The following COL5A3 variants were observed in gnomAD, a reference collection of about 807,000 sequenced individuals.
The protein encoded by COL5A3 is collagen type V alpha 3 chain.
In COL5A3, 172 loss-of-function variants were observed where a neutral mutation model predicts 250.0. That is an observed-to-expected ratio of 0.69 (90% CI 0.61 to 0.78). The LOEUF (loss-of-function observed/expected upper bound fraction) is 0.78, where lower values mean the gene tolerates loss of function less well. Among genes scored for constraint, COL5A3 ranks in the 30% least tolerant of loss-of-function variants. COL5A3 has a pLI of 0.00. For missense variants in COL5A3, 2,340 were observed against 2,334.4 expected (o/e 1.00, Z -0.05); for synonymous variants, 937 against 900.4 (o/e 1.04, Z -0.73).
intron 51 of COL5A3, among the ~76,000 whole-genome samples, chr19:9,972,175 T>C (rs1204616056): frequency 6.6e-6 from 1 of 152,270 alleles, no homozygotes; most frequent in African/African-American, 2.4e-5. Flanking sequence ...ATTAATTTAC[T>C]CATTCATCCA....
intron 16 of COL5A3, among the ~76,000 whole-genome samples, chr19:9,994,136 C>T (rs1411285070): frequency 6.6e-6 from 1 of 151,858 alleles, no homozygotes; most frequent in African/African-American, 2.4e-5. Flanking sequence ...GCTGGGATTA[C>T]AGGCATGAGC....
At chr19:10,001,994 G>A (rs773896620) in intron 6 of COL5A3, 113 bp from the exon 7 acceptor site, 6 of 726,794 alleles carry the variant, frequency 8.3e-6, no homozygotes, top group Non-Finnish European at 1.4e-5. Context: ...GGACAGAGGA[G>A]GCTCCCCAAA....
intron 55 of COL5A3, 76 bp downstream of exon 55, chr19:9,969,793 G>GGT (rs562367329): frequency 6.3e-7 from 1 of 1,586,518 alleles, no homozygotes; most frequent in South Asian, 1.1e-5. Context: ...AGTGGTCATA[G>GGT]GTCCACCCTC....
chr19:9,997,064 G>T, intron 11 of COL5A3: 2 of 540,606 alleles, frequency 3.7e-6, no homozygotes, highest in African/African-American at 1.9e-5. Context: ...GGAGGGAGAG[G>T]GACAGAGACC....
Position 10,001,586 on chromosome 19 carries a change from T to C in COL5A3, c.1048A>G (p.Thr350Ala). The C allele has an allele frequency of 1.2e-6, 2 of 1,614,140 alleles. No individual in the cohort carries two copies. The highest frequency in any genetic ancestry group is 1.1e-5 in the South Asian group (1 of 91,074). The change falls in exon 8 of 67, where the codon ACC becomes GCC. Residue 350 changes from threonine (T) to alanine (A), a missense_variant. Transcript: ENST00000264828. ...GCTGCCCGGAAGTCAGGGCCCATGG[T>C]GGAATCATCTCCTTCTTCATCCTCC... The part of the protein sequence containing the change: ...AREDEEGDDS[T>A]MGPDFRAAEY...
chr19:9,982,855 T>C (rs2087029790), intron 31 of COL5A3, among the ~76,000 whole-genome samples: 1 of 152,142 alleles, frequency 6.6e-6, no homozygotes, highest in Non-Finnish European at 1.5e-5. Flanking sequence ...TACTCTTTTT[T>C]TGTTTGTTTT....
At position 9,960,337 on chromosome 19, in the gene COL5A3, G is replaced by T; in HGVS notation, c.*74C>A. On this transcript the variant is annotated 3_prime_UTR_variant, in exon 67 of 67. Transcript: ENST00000264828. Reference sequence around the variant, plus strand: ...ATAGTCACAGGTAACGAAAAATACGGTGGCTTCAAAGCCTCAGCACCAAAT... The same window carrying T: ...ATAGTCACAGGTAACGAAAAATACGTTGGCTTCAAAGCCTCAGCACCAAAT... 3.2e-6 allele frequency: 5 copies of T among 1,574,368 alleles called. No homozygotes were observed. Among genetic ancestry groups the T allele is most frequent in the Non-Finnish European group, 4.3e-6 (5 of 1,150,928 alleles).
At chr19:9,998,961 G>A (rs1858430852) in intron 8 of COL5A3, among the ~76,000 whole-genome samples, 1 of 152,018 alleles carries the variant, frequency 6.6e-6, no homozygotes, top group Admixed American at 6.5e-5. Context: ...TGGGATTACA[G>A]GCGTGAGCCA....
chr19:9,970,180 G>GA (rs1285828020), intron 54 of COL5A3, among the ~76,000 whole-genome samples: 2 of 106,610 alleles, frequency 1.9e-5, no homozygotes, highest in Admixed American at 9.5e-5. Flanking sequence ...GGGGTCTGTG[G>GA]GTGAGTGGGG....
Position 9,979,872 on chromosome 19 carries a change from C to T in COL5A3, c.2679G>A (p.Gly893=). ...CTCTCTGTCCAGGGTGCCCTGGTCG[C>T]CCATCTTTACCTTGGTGACCCTGGG... ...KGPPGHQGKD[G]RPGHPGQRGE... Residue 893 remains glycine, a synonymous_variant, in exon 37 of 67, where the codon GGG becomes GGA. Transcript: ENST00000264828. 6.4e-7 allele frequency: 1 copy of T among 1,574,310 alleles called. No homozygotes were observed. The highest frequency in any genetic ancestry group is 2.1e-5 in the Admixed American group (1 of 48,328).
rs202184890 is a variant in COL5A3, at chr19:10,004,167, G to A, written c.595-22C>T. On this transcript the variant is annotated intron_variant, in intron 4 of 66. Transcript: ENST00000264828. ...CTCCCTGGGGGTTGGGGGTGTAGGA[G>A]TCAAGGAGGGCAGCCATACAGCCAT... is the stretch of plus-strand genomic sequence containing the variant. 78 of 1,565,144 alleles carry A rather than the reference G, an allele frequency of 5.0e-5. No homozygotes were observed. The East Asian group carries it at 1.6e-3, about 32-fold the overall frequency.
rs1053443775 is a variant in COL5A3 at position 9,977,778 on chromosome 19, A to T, written c.3019-77T>A. On this transcript the variant is annotated intron_variant, in intron 41 of 66. Coordinates refer to ENST00000264828, the MANE Select transcript of COL5A3 (RefSeq NM_015719.4). The stretch of plus-strand genomic sequence containing the variant: ...ATGGAGGGTTTTTAAGCCACCAGGC[A>T]CTGAGTTCTGAGGTTACCAGGATTG... 1.1e-4 allele frequency: 130 copies of T among 1,212,212 alleles called. 2 individuals carry two copies. The South Asian group carries it at 2.2e-3, about 21-fold the overall frequency. 75.1% of individuals were successfully genotyped at this position (1,212,212 alleles called of 1,614,324 possible). A position where few individuals can be genotyped will look rare whatever the true frequency, so the allele number is the denominator to read the frequency against.
rs893392459 is a variant in COL5A3 at position 9,967,471 on chromosome 19, ACACACACACACT to A, written c.4405-83_4405-72del. The A allele has an allele frequency of 2.9e-4, 293 of 1,005,734 alleles. 1 individual carries two copies. Among genetic ancestry groups the A allele is most frequent in the African/African-American group, 5.7e-4 (33 of 58,364 alleles). The allele number at this position is 1,005,734 out of a possible 1,614,324, so 62.3% of individuals were successfully genotyped here. ...CCTTCCCACCAACATACACACAAAC[ACACACACACACT>A]CACACACACACTCACACACACACAG... On this transcript the variant is annotated intron_variant, in intron 61 of 66. Coordinates refer to ENST00000264828, the MANE Select transcript of COL5A3 (RefSeq NM_015719.4).
rs141519502 is a variant in COL5A3 at position 9,978,347 on chromosome 19, T to C, written c.3018+227A>G. The stretch of plus-strand genomic sequence containing the variant: ...CAAGCGATTCTCCTGCCTCAGCCTC[T>C]AGAGTAGCTGGGATTACAGGCATCT... On this transcript the variant is annotated intron_variant, in intron 41 of 66. Transcript: ENST00000264828. 3.0e-3 allele frequency among the ~76,000 whole-genome samples: 459 copies of C among 152,080 alleles called. 3 individuals are homozygous for C. Among genetic ancestry groups the C allele is most frequent in the African/African-American group, 0.01 (435 of 41,490 alleles).
intron 45 of COL5A3, among the ~76,000 whole-genome samples, chr19:9,976,057 G>GA: frequency 6.7e-6 from 1 of 149,118 alleles, no homozygotes; most frequent in African/African-American, 2.5e-5. Flanking sequence ...ATCAGATTCT[G>GA]GGGTTGAGTT....
chr19:9,978,220 A>G (rs184991931), intron 41 of COL5A3, among the ~76,000 whole-genome samples: 1 of 151,942 alleles, frequency 6.6e-6, no homozygotes, highest in African/African-American at 2.4e-5. Context: ...CATCATGGCT[A>G]TTTTACAGAC....
intron 12 of COL5A3, 38 bp downstream of exon 12, chr19:9,996,577 C>T (rs374513284): frequency 5.3e-5 from 86 of 1,613,422 alleles, no homozygotes; most frequent in Middle Eastern, 1.6e-4. Context: ...GATCAGGACT[C>T]CACTCCCCAA....
chr19:10,005,144 G>A (rs762149335), intron 4 of COL5A3, among the ~76,000 whole-genome samples: 6 of 152,146 alleles, frequency 3.9e-5, no homozygotes, highest in Admixed American at 1.3e-4. Flanking sequence ...ATCACTTGAG[G>A]CCAGGAGTTC....
chr19:9,969,042 G>A (rs1034858433), intron 57 of COL5A3, among the ~76,000 whole-genome samples: 70 of 152,284 alleles, frequency 4.6e-4, no homozygotes, highest in African/African-American at 1.5e-3. Flanking sequence ...CATCAAGGTG[G>A]AGTATTAGAG....
Sources: gnomAD v4.1 joint callset for allele counts (sites outside exome capture counted in the v4.1 genomes callset) on GRCh38, gnomAD v4.1.1 for gene constraint, MANE v1.5 for transcripts, NCBI Gene and HGNC (gene_info 2026-07-23, HGNC 2026-07-21) for gene names.